The following INPP4B variants were observed in gnomAD, a reference collection of about 807,000 sequenced individuals.
INPP4B encodes the protein inositol polyphosphate-4-phosphatase type II B, also known as inositol polyphosphate 4-phosphatase type II.
INPP4B carries 55 observed loss-of-function variants against 122.5 expected under a neutral mutation model. The ratio of observed to expected loss-of-function variants is 0.45; its 90% CI spans 0.36 to 0.56. The LOEUF (loss-of-function observed/expected upper bound fraction) is 0.56, where lower values mean the gene tolerates loss of function less well. Ranked by LOEUF, INPP4B falls within the 20% of genes least tolerant of loss-of-function variation. The pLI is 0.00. For missense variants in INPP4B, 1,000 were observed against 1,097.7 expected (o/e 0.91, Z 1.26); for synonymous variants, 403 against 388.7 (o/e 1.04, Z -0.43).
chr4:142,377,085 A>C (rs1213868747), intron 7 of INPP4B, among the ~76,000 whole-genome samples: 2 of 150,692 alleles, frequency 1.3e-5, no homozygotes, highest in Non-Finnish European at 1.5e-5. Flanking sequence ...CTTAAGCCTT[A>C]ATTCGATTTC....
chr4:142,476,630 G>T (rs547371247), intron 2 of INPP4B, among the ~76,000 whole-genome samples: 1 of 152,090 alleles, frequency 6.6e-6, no homozygotes, highest in African/African-American at 2.4e-5. Flanking sequence ...TATCTACCAA[G>T]CAAACAGAAA....
At chr4:142,314,124 A>T (rs888138080) in intron 8 of INPP4B, among the ~76,000 whole-genome samples, 1 of 152,238 alleles carries the variant, frequency 6.6e-6, no homozygotes, top group South Asian at 2.1e-4. Flanking sequence ...CCTGTGGGCT[A>T]TATCTTTTAG....
At chr4:142,525,059 T>C (rs1488239369) in intron 2 of INPP4B, among the ~76,000 whole-genome samples, 1 of 150,810 alleles carries the variant, frequency 6.6e-6, no homozygotes, top group Non-Finnish European at 1.5e-5. Flanking sequence ...ACAAAATCAA[T>C]GTGCAAAAAT....
intron 2 of INPP4B, among the ~76,000 whole-genome samples, chr4:142,589,567 C>A (rs1350223394): frequency 6.6e-6 from 1 of 151,974 alleles, no homozygotes; most frequent in Non-Finnish European, 1.5e-5. Flanking sequence ...CAAATTAAAA[C>A]AACAAGATAC....
rs376736923 is a variant in INPP4B at position 142,082,095 on chromosome 4, T to C, written c.2578A>G (p.Ile860Val). ...TGTAACTGGTGCTCATCTCTCAAGA[T>C]TGAGCATTGTTCAAGTGTCACTGAC... ...SMSVTLEQCSILRDEHQLHKD... is the reference protein window; with the variant it reads ...SMSVTLEQCSVLRDEHQLHKD... Residue 860 changes from isoleucine (I) to valine (V), a missense_variant, in exon 25 of 26, where the codon ATC becomes GTC. By Grantham distance (29) the Ile-to-Val change is conservative. Transcript: ENST00000262992. 2.6e-6 allele frequency: 4 copies of C among 1,510,342 alleles called. No individual in the cohort carries two copies. Among genetic ancestry groups the C allele is most frequent in the Non-Finnish European group, 3.6e-6 (4 of 1,107,096 alleles). 93.6% of individuals were successfully genotyped at this position (1,510,342 alleles called of 1,614,324 possible). A position where few individuals can be genotyped will look rare whatever the true frequency, so the allele number is the denominator to read the frequency against.
intron 12 of INPP4B, among the ~76,000 whole-genome samples, chr4:142,237,300 C>G (rs1269153509): frequency 6.6e-6 from 1 of 152,036 alleles, no homozygotes; most frequent in Non-Finnish European, 1.5e-5. Context: ...ATTACAAGAT[C>G]AAAGCTCAAA....
In INPP4B at chr4:142,825,553, TAG is replaced by T. The variant is rs1781356408; in HGVS notation, c.-254+20654_-254+20655del. Among the ~76,000 whole-genome samples, 10 of 152,190 alleles carry T rather than the reference TAG, an allele frequency of 6.6e-5. No individual in the cohort carries two copies. In the South Asian group the frequency reaches 2.1e-3, roughly 32 times the overall value. ...TGACCCCAAGAAGCTTATAATCTAG[TAG>T]AGTTATTAAGAGTGGGCATATAAAG... On this transcript the variant is annotated intron_variant, in intron 1 of 25. Coordinates refer to ENST00000262992, the MANE Select transcript of INPP4B (RefSeq NM_001101669.3).
At chr4:142,776,814 A>G (rs1403921554) in intron 1 of INPP4B, among the ~76,000 whole-genome samples, 2 of 152,142 alleles carry the variant, frequency 1.3e-5, no homozygotes, top group Admixed American at 6.6e-5. Flanking sequence ...CCCAGTGTAG[A>G]GTATAAAATT....
chr4:142,199,008 C>G (rs1180220620), intron 14 of INPP4B, among the ~76,000 whole-genome samples: 3 of 151,946 alleles, frequency 2.0e-5, no homozygotes, highest in African/African-American at 7.2e-5. Context: ...CTTACTTCTT[C>G]CTCTTTCCTA....
chr4:142,405,123 G>GGGGA lies in INPP4B; in HGVS notation c.255+82_255+83insTCCC, dbSNP rs554663386. On this transcript the variant is annotated intron_variant, in intron 6 of 25. Transcript: ENST00000262992. ...ATCCAGAGATGGGGCGGGGGTGGGG[G>GGGGA]GGAGGGAGAGAGAGAGCAAGAGCGA... is the stretch of plus-strand genomic sequence containing the variant. The GGGGA allele has an allele frequency of 6.0e-4, 417 of 699,064 alleles. No homozygotes were observed. The African/African-American group carries it at 7.1e-3, about 12-fold the overall frequency. The allele number at this position is 699,064 out of a possible 1,614,324, so 43.3% of individuals were successfully genotyped here.
intron 5 of INPP4B, among the ~76,000 whole-genome samples, chr4:142,407,184 T>G (rs74908743): frequency 2.0e-5 from 3 of 152,242 alleles, no homozygotes; most frequent in Admixed American, 2.0e-4. Flanking sequence ...ATTTTATTGC[T>G]CATAAAATTC....
chr4:142,812,961 AT>A (rs1393272939), intron 1 of INPP4B, among the ~76,000 whole-genome samples: 1 of 152,202 alleles, frequency 6.6e-6, no homozygotes, highest in African/African-American at 2.4e-5. Flanking sequence ...TCAACATTGA[AT>A]TTATATTCAT....
Position 142,612,397 on chromosome 4 carries a change from A to G in INPP4B, c.-191+113442T>C, listed in dbSNP as rs577954552. Among the ~76,000 whole-genome samples, 12 of 152,334 alleles carry G rather than the reference A, an allele frequency of 7.9e-5. No individual in the cohort carries two copies. In the East Asian group the frequency reaches 1.4e-3, roughly 17 times the overall value. On this transcript the variant is annotated intron_variant, in intron 2 of 25. Transcript: ENST00000262992. The stretch of plus-strand genomic sequence containing the variant: ...TAGAGACTGCTATTTGCCTACTGCA[A>G]TATCCATTCTTTATGTCTTAGTCCT...
intron 2 of INPP4B, among the ~76,000 whole-genome samples, chr4:142,661,722 TG>T (rs1198743652): frequency 6.6e-6 from 1 of 152,240 alleles, no homozygotes; most frequent in Non-Finnish European, 1.5e-5. Flanking sequence ...TCAGATATAG[TG>T]CACTACAGCT....
At position 142,316,354 on chromosome 4, in the gene INPP4B, A is replaced by G. The variant is rs72941134; in HGVS notation, c.373-1592T>C. ...CCATTCAGTCCATTATCTGAAAGTC[A>G]TCAGCTGGCCTCAAAGGACAAGGAA... On this transcript the variant is annotated intron_variant, in intron 7 of 25. Coordinates refer to ENST00000262992, the MANE Select transcript of INPP4B (RefSeq NM_001101669.3). Among the ~76,000 whole-genome samples the G allele has an allele frequency of 7.1e-3, 1,075 of 152,326 alleles. 11 individuals are homozygous for G. Among genetic ancestry groups the G allele is most frequent in the African/African-American group, 0.025 (1,024 of 41,564 alleles).
At chr4:142,435,326 G>GA (rs533999158) in intron 3 of INPP4B, among the ~76,000 whole-genome samples, 2 of 150,800 alleles carry the variant, frequency 1.3e-5, no homozygotes, top group Admixed American at 6.6e-5. Context: ...AATATGAAGG[G>GA]AAAAAAAAGT....
intron 2 of INPP4B, among the ~76,000 whole-genome samples, chr4:142,640,444 T>C (rs1750138752): frequency 6.6e-6 from 1 of 152,110 alleles, no homozygotes; most frequent in Admixed American, 6.6e-5. Context: ...TAATGATTAT[T>C]TTCACTATTT....
chr4:142,743,518 T>A (rs1451516710), intron 1 of INPP4B, among the ~76,000 whole-genome samples: 1 of 151,824 alleles, frequency 6.6e-6, no homozygotes, highest in African/African-American at 2.4e-5. Context: ...TGAGAATGCA[T>A]GAGAGATGTT....
chr4:142,665,836 A>T (rs545731458), intron 2 of INPP4B, among the ~76,000 whole-genome samples: 232 of 152,288 alleles, frequency 1.5e-3, no homozygotes, highest in Non-Finnish European at 2.8e-3. Context: ...CCTCTTGTCC[A>T]TGAGGGCTAT....
Sources: gnomAD v4.1 joint callset for allele counts (sites outside exome capture counted in the v4.1 genomes callset) on GRCh38, gnomAD v4.1.1 for gene constraint, MANE v1.5 for transcripts, NCBI Gene and HGNC (gene_info 2026-07-23, HGNC 2026-07-21) for gene names.